DROSHA: variants seen among roughly 807,000 people sequenced by gnomAD.
DROSHA encodes the protein drosha ribonuclease III, also known as ribonuclease 3.
DROSHA carries 56 observed loss-of-function variants against 181.9 expected under a neutral mutation model. The ratio of observed to expected loss-of-function variants is 0.31; its 90% CI spans 0.25 to 0.38. The LOEUF (loss-of-function observed/expected upper bound fraction) is 0.38. DROSHA is among the 10% of genes least tolerant of loss of function. The pLI, the probability that DROSHA is intolerant of heterozygous loss-of-function variation, is 1.00. For synonymous variants in DROSHA, 524 were observed against 591.2 expected, an observed-to-expected ratio of 0.89 and a Z score of 1.65; for missense variants, 1,218 against 1,743.5, an observed-to-expected ratio of 0.70 and a Z score of 5.37.
chr5:31,511,080 G>A lies in DROSHA; in HGVS notation c.1387C>T (p.Arg463Trp), dbSNP rs758774465. 24 of 1,613,758 alleles carry A rather than the reference G, an allele frequency of 1.5e-5. No homozygotes were observed. The highest frequency in any genetic ancestry group is 5.0e-5 in the Admixed American group (3 of 59,972). Residue 463 changes from arginine (R) to tryptophan (W), a missense_variant, in exon 9 of 36, where the codon CGG becomes TGG. By Grantham distance (101) the Arg-to-Trp change is moderately radical (BLOSUM62 -3). Around this residue, in one of 8 missense-constraint regions of DROSHA, gnomAD observed 460 missense variants for 774.2 expected, o/e 0.59. Transcript: ENST00000344624. ...GTCTTTGGAGGTTCCCACGGAGGCC[G>A]AGCAGCTTTGGCCTTTTCTTGCCTG... The part of the protein sequence containing the change: ...GSRQEKAKAA[R>W]PPWEPPKTKL...
At chr5:31,484,301 G>A (rs1261782865) in intron 15 of DROSHA, among the ~76,000 whole-genome samples, 1 of 147,074 alleles carries the variant, frequency 6.8e-6, no homozygotes, top group Non-Finnish European at 1.5e-5. Context: ...GTGAACCCGG[G>A]AAGCGGAGCT....
At chr5:31,498,338 A>G (rs1753222499) in intron 11 of DROSHA, among the ~76,000 whole-genome samples, 1 of 152,190 alleles carries the variant, frequency 6.6e-6, no homozygotes, top group African/African-American at 2.4e-5. Flanking sequence ...GAATCCTATG[A>G]CCATCTTCCT....
At position 31,504,576 on chromosome 5, in the gene DROSHA, G is replaced by A; in HGVS notation, c.1647C>T (p.His549=). ...SAKARRTGIR[H]SIYPGEEAIK... is the part of the protein sequence containing the mutation. ...TTACCTCTTCTCCAGGATAAATGCT[G>A]TGCCTAATTCCTGTGCGTCTTGCCT... is the stretch of plus-strand genomic sequence containing the variant. Residue 549 remains histidine, a synonymous_variant, in exon 11 of 36, where the codon CAC becomes CAT. Coordinates refer to ENST00000344624, the MANE Select transcript of DROSHA (RefSeq NM_001382508.1). 6.2e-7 allele frequency: 1 copy of A among 1,613,962 alleles called. No homozygotes were observed.
At chr5:31,433,845 G>GC (rs1561152420) in intron 25 of DROSHA, among the ~76,000 whole-genome samples, 1 of 152,146 alleles carries the variant, frequency 6.6e-6, no homozygotes, top group Non-Finnish European at 1.5e-5. Flanking sequence ...AAGCCACCAC[G>GC]CCCGGTATTA....
In DROSHA at chr5:31,411,169, AG is replaced by A. The variant is rs1177182528; in HGVS notation, c.3526-283del. ...CATTGGGGCAGGGCTGTGGTGGGGG[AG>A]GGGGGATGTATAATAAGATTTAAGG... is the stretch of plus-strand genomic sequence containing the variant. On this transcript the variant is annotated intron_variant, in intron 30 of 35. Coordinates refer to ENST00000344624, the MANE Select transcript of DROSHA (RefSeq NM_001382508.1). This position sits in a 1 kb window ranked among gnomAD's most constrained non-coding sequence, Gnocchi z 4.2. 1.3e-5 allele frequency among the ~76,000 whole-genome samples: 2 copies of A among 152,034 alleles called. No individual in the cohort carries two copies. Among genetic ancestry groups the A allele is most frequent in the African/African-American group, 2.4e-5 (1 of 41,498 alleles).
At chr5:31,457,519 A>G (rs911635955) in intron 20 of DROSHA, among the ~76,000 whole-genome samples, 2 of 152,202 alleles carry the variant, frequency 1.3e-5, no homozygotes, top group African/African-American at 4.8e-5. Context: ...ACTTAAAAAA[A>G]GTACACTTGA....
At chr5:31,473,437 T>G (rs1749980629) in intron 16 of DROSHA, among the ~76,000 whole-genome samples, 1 of 152,240 alleles carries the variant, frequency 6.6e-6, no homozygotes. Flanking sequence ...TATGTAGGCA[T>G]GCATTCACTC....
chr5:31,516,463 A>C (rs1739282709), intron 6 of DROSHA, among the ~76,000 whole-genome samples: 1 of 152,198 alleles, frequency 6.6e-6, no homozygotes, highest in African/African-American at 2.4e-5. Context: ...CATTAACTCT[A>C]CCACTAACTT....
At chr5:31,526,031 T>C (rs1740502805) in intron 5 of DROSHA, 48 bp downstream of exon 5, 1 of 1,493,500 alleles carries the variant, frequency 6.7e-7, no homozygotes, top group Admixed American at 2.2e-5. Context: ...AGAATGACCG[T>C]GCCTGGGCCT....
At chr5:31,499,373 C>A (rs1171998487) in intron 11 of DROSHA, among the ~76,000 whole-genome samples, 1 of 152,102 alleles carries the variant, frequency 6.6e-6, no homozygotes. Context: ...AGGAGTGACC[C>A]AATAAAACAG....
chr5:31,420,391 T>C (rs1323125633), intron 30 of DROSHA, among the ~76,000 whole-genome samples: 3 of 152,260 alleles, frequency 2.0e-5, no homozygotes, highest in Non-Finnish European at 1.5e-5. Flanking sequence ...GAGATCATCA[T>C]GACCTCCTTC....
At chr5:31,473,203 G>T (rs1338573307) in intron 16 of DROSHA, among the ~76,000 whole-genome samples, 1 of 152,230 alleles carries the variant, frequency 6.6e-6, no homozygotes, top group East Asian at 1.9e-4. Context: ...CAATGGGATG[G>T]CACAAAAGAG....
intron 20 of DROSHA, among the ~76,000 whole-genome samples, chr5:31,459,046 A>G (rs1430463855): frequency 2.6e-5 from 4 of 152,260 alleles, no homozygotes; most frequent in Non-Finnish European, 5.9e-5. Flanking sequence ...ATCACAATGT[A>G]TAGATTTCAC....
intron 35 of DROSHA, among the ~76,000 whole-genome samples, 157 bp downstream of exon 35, chr5:31,405,520 T>A (rs1244965106): frequency 5.9e-5 from 9 of 152,110 alleles, no homozygotes; most frequent in African/African-American, 2.2e-4. Flanking sequence ...CATTTTAGAA[T>A]GTCTCACATT....
intron 13 of DROSHA, among the ~76,000 whole-genome samples, chr5:31,489,451 A>G (rs1309180268): frequency 6.6e-6 from 1 of 152,132 alleles, no homozygotes; most frequent in Non-Finnish European, 1.5e-5. Context: ...CAAATTTGGA[A>G]AGGCAGGATC....
intron 6 of DROSHA, among the ~76,000 whole-genome samples, chr5:31,517,746 TAAAG>T (rs1739424173): frequency 6.6e-6 from 1 of 152,052 alleles, no homozygotes; most frequent in African/African-American, 2.4e-5. Flanking sequence ...AAGGAAAAAT[TAAAG>T]AGTCATTATG....
chr5:31,439,565 T>C (rs1745310639), intron 23 of DROSHA, among the ~76,000 whole-genome samples: 1 of 152,204 alleles, frequency 6.6e-6, no homozygotes, highest in Non-Finnish European at 1.5e-5. Flanking sequence ...ACAGACAGCA[T>C]GTTGTTATAA....
At chr5:31,429,612 T>C in intron 26 of DROSHA, 67 bp from the exon 27 acceptor site, 2 of 1,380,288 alleles carry the variant, frequency 1.4e-6, no homozygotes, top group Non-Finnish European at 2.0e-6. Context: ...GACATATCTC[T>C]ATAATAAAGC....
intron 21 of DROSHA, among the ~76,000 whole-genome samples, chr5:31,450,656 T>A (rs1170620545): frequency 6.6e-6 from 1 of 151,990 alleles, no homozygotes; most frequent in Non-Finnish European, 1.5e-5. Context: ...CAGAGTGGTA[T>A]AACGGACACT....
Sources: gnomAD v4.1 joint callset for allele counts (sites outside exome capture counted in the v4.1 genomes callset) on GRCh38, gnomAD v4.1.1 for gene constraint, gnomAD v4.1.1 regional missense constraint, Gnocchi (gnomAD v3.1) non-coding constraint, MANE v1.5 for transcripts, NCBI Gene and HGNC (gene_info 2026-07-23, HGNC 2026-07-21) for gene names.